Variants in SLC25A24 observed in about 807,000 individuals in gnomAD.
The protein encoded by SLC25A24 is mitochondrial adenyl nucleotide antiporter SLC25A24.
SLC25A24 carries 49 observed loss-of-function variants against 60.7 expected under a neutral mutation model. The ratio of observed to expected loss-of-function variants is 0.81; its 90% confidence interval spans 0.64 to 1.02. The LOEUF is 1.02. Ranked by LOEUF, SLC25A24 falls within the 50% of genes least tolerant of loss-of-function variation. SLC25A24 has a pLI of 0.00. For missense variants in SLC25A24, 564 were observed against 586.3 expected, an observed-to-expected ratio of 0.96 and a Z score of 0.39; for synonymous variants, 202 against 200.6, an observed-to-expected ratio of 1.01 and a Z score of -0.06.
At chr1:108,166,740 T>G (rs1019603600) in intron 3 of SLC25A24, among the ~76,000 whole-genome samples, 3 of 152,206 alleles carry the variant, frequency 2.0e-5, no homozygotes, top group Non-Finnish European at 4.4e-5. Flanking sequence ...TTGGTTTGAA[T>G]GTCCTCCCAT....
At chr1:108,148,789 C>G (rs1679678156) in intron 6 of SLC25A24, among the ~76,000 whole-genome samples, 1 of 152,130 alleles carries the variant, frequency 6.6e-6, no homozygotes, top group Admixed American at 6.5e-5. Flanking sequence ...TTATGGCAGC[C>G]CAAGCCAACT....
At chr1:108,150,788 C>A (rs1388082335) in intron 6 of SLC25A24, among the ~76,000 whole-genome samples, 1 of 152,054 alleles carries the variant, frequency 6.6e-6, no homozygotes, top group Non-Finnish European at 1.5e-5. Flanking sequence ...CCTTTCCCTA[C>A]ACACAAACTC....
rs769620259 is a variant in SLC25A24, at chr1:108,194,238, C to T, written c.183+5718G>A. Among the ~76,000 whole-genome samples, 3 of 138,338 alleles carry T rather than the reference C, an allele frequency of 2.2e-5. 1 individual carries two copies. The highest frequency in any genetic ancestry group is 4.7e-5 in the Non-Finnish European group (3 of 63,498). 90.8% of individuals were successfully genotyped at this position (138,338 alleles called of 152,430 possible). Reference sequence around the variant, plus strand: ...GGTTAGTCAAAAAAACTACTGTACGCTTCTCAGTAAACATTTTCCCCCAGA... The same window carrying T: ...GGTTAGTCAAAAAAACTACTGTACGTTTCTCAGTAAACATTTTCCCCCAGA... On this transcript the variant is annotated intron_variant, in intron 1 of 9. Coordinates refer to ENST00000565488, the MANE Select transcript of SLC25A24 (RefSeq NM_013386.5).
chr1:108,190,693 C>T (rs371547250), intron 1 of SLC25A24, among the ~76,000 whole-genome samples: 8 of 128,748 alleles, frequency 6.2e-5, no homozygotes, highest in South Asian at 3.1e-4. Context: ...AGTATCATTT[C>T]TTTTTTTTTT....
intron 1 of SLC25A24, among the ~76,000 whole-genome samples, chr1:108,187,007 G>A (rs1039418170): frequency 6.6e-6 from 1 of 151,802 alleles, no homozygotes; most frequent in Non-Finnish European, 1.5e-5. Flanking sequence ...AACCTGGGAG[G>A]TGGAGGTTGC....
In SLC25A24 at chr1:108,136,718, C is replaced by T; in HGVS notation, c.1369G>A (p.Ala457Thr). ...TAAACCACATAACTGATGCCTACAG[C>T]AGGGAGCACCTTCATGAAGTTTGGG... is the stretch of plus-strand genomic sequence containing the variant. ...ITPNFMKVLP[A>T]VGISYVVYEN... The change falls in exon 10 of 10, where the codon GCT becomes ACT. Residue 457 changes from alanine (A) to threonine (T), a missense_variant. Transcript: ENST00000565488. 1.2e-6 allele frequency: 2 copies of T among 1,614,078 alleles called. No homozygotes were observed. Among genetic ancestry groups the T allele is most frequent in the Non-Finnish European group, 1.7e-6 (2 of 1,179,964 alleles).
chr1:108,193,968 G>A (rs535838426), intron 1 of SLC25A24, among the ~76,000 whole-genome samples: 1 of 139,250 alleles, frequency 7.2e-6, no homozygotes, highest in African/African-American at 2.5e-5. Context: ...CTGCACCACT[G>A]GGAATATGGA....
At position 108,136,154 on chromosome 1, in the gene SLC25A24, T is replaced by C. The variant is rs1313769868; in HGVS notation, c.*499A>G. On this transcript the variant is annotated 3_prime_UTR_variant, in exon 10 of 10. Coordinates refer to ENST00000565488, the MANE Select transcript of SLC25A24 (RefSeq NM_013386.5). Reference sequence around the variant, plus strand: ...AAGAAAAATAAGGACATAAACCCTATACTTATTTGGATGCTTTTGCTGTAA... The same window carrying C: ...AAGAAAAATAAGGACATAAACCCTACACTTATTTGGATGCTTTTGCTGTAA... The C allele has an allele frequency of 2.0e-5, 3 of 152,474 alleles. No individual in the cohort carries two copies. Among genetic ancestry groups the C allele is most frequent in the Non-Finnish European group, 2.9e-5 (2 of 68,266 alleles). The allele number at this position is 152,474 out of a possible 1,614,324, so 9.4% of individuals were successfully genotyped here.
chr1:108,137,229 G>A (rs1006546436), intron 9 of SLC25A24, among the ~76,000 whole-genome samples: 2 of 152,246 alleles, frequency 1.3e-5, no homozygotes, highest in Admixed American at 6.5e-5. Flanking sequence ...CTCTAAAGCT[G>A]GTACACTTTC....
At position 108,200,024 on chromosome 1, in the gene SLC25A24, C is replaced by T. The variant is rs184903325; in HGVS notation, c.115G>A (p.Val39Met). The part of the protein sequence containing the change: ...QALDRNGDGV[V>M]DIGELQEGLR... ...CCCTCCTGCAGCTCGCCGATGTCCA[C>T]CACTCCGTCCCCATTGCGGTCCAGT... The change falls in exon 1 of 10, where the codon GTG becomes ATG. Residue 39 changes from valine to methionine, a missense_variant. Transcript: ENST00000565488. 5 of 1,611,140 alleles carry T rather than the reference C, an allele frequency of 3.1e-6. No homozygotes were observed. The highest frequency in any genetic ancestry group is 3.4e-6 in the Non-Finnish European group (4 of 1,179,066).
rs556222979 is a variant in SLC25A24, at chr1:108,160,815, C to T, written c.510+367G>A. ...AAATACGAAAAACAGTCAGGCGTGGCGGTGCGCGCCTGCAATCGCAGGCAC... is the reference window on the plus strand; with the variant it reads ...AAATACGAAAAACAGTCAGGCGTGGTGGTGCGCGCCTGCAATCGCAGGCAC... On this transcript the variant is annotated intron_variant, in intron 4 of 9. Transcript: ENST00000565488. 1.5e-4 allele frequency among the ~76,000 whole-genome samples: 23 copies of T among 152,288 alleles called. No individual in the cohort carries two copies. The South Asian group carries it at 3.7e-3, about 25-fold the overall frequency.
intron 3 of SLC25A24, among the ~76,000 whole-genome samples, chr1:108,163,800 C>T (rs1328734262): frequency 2.6e-5 from 4 of 152,136 alleles, no homozygotes; most frequent in Non-Finnish European, 5.9e-5. Flanking sequence ...TCCTGCCTAA[C>T]TGCCCTGGCC....
At chr1:108,172,409 A>G (rs1276054167) in intron 3 of SLC25A24, among the ~76,000 whole-genome samples, 2 of 152,216 alleles carry the variant, frequency 1.3e-5, no homozygotes, top group Non-Finnish European at 2.9e-5. Flanking sequence ...AGACTGTACA[A>G]GCATGGCACC....
chr1:108,170,935 T>G (rs9325363), intron 3 of SLC25A24, among the ~76,000 whole-genome samples: 71,008 of 151,782 alleles, frequency 0.47, 16,808 homozygotes, highest in Middle Eastern at 0.59. Flanking sequence ...GGATAAGAAC[T>G]CTATTTAGGC....
At chr1:108,198,631 T>C (rs1422560515) in intron 1 of SLC25A24, 1 of 152,212 alleles carries the variant, frequency 6.6e-6, no homozygotes, top group East Asian at 1.9e-4. Flanking sequence ...CAGCAGCAAT[T>C]CTCAAGCTTT....
chr1:108,136,520 A>G lies in SLC25A24; in HGVS notation c.*133T>C. ...TTTAGCCCAAAAGTTTGAAGTGACC[A>G]TTGTTACCATCTTCCCTTTTGTGAA... is the stretch of plus-strand genomic sequence containing the variant. On this transcript the variant is annotated 3_prime_UTR_variant, in exon 10 of 10. Coordinates refer to ENST00000565488, the MANE Select transcript of SLC25A24 (RefSeq NM_013386.5). 1 of 690,850 alleles carries G rather than the reference A, an allele frequency of 1.4e-6. No homozygotes were observed. The highest frequency in any genetic ancestry group is 2.7e-5 in the East Asian group (1 of 37,110). 42.8% of individuals were successfully genotyped at this position (690,850 alleles called of 1,614,324 possible). A position where few individuals can be genotyped will look rare whatever the true frequency, so the allele number is the denominator to read the frequency against.
intron 1 of SLC25A24, among the ~76,000 whole-genome samples, chr1:108,196,786 C>CTGGAG (rs1648508972): frequency 6.6e-6 from 1 of 151,370 alleles, no homozygotes; most frequent in Non-Finnish European, 1.5e-5. Flanking sequence ...AAGCACTAAT[C>CTGGAG]CCATTCATGA....
In SLC25A24 at chr1:108,180,620, CTCTCTCTCTCTCTCTCTCTCT is replaced by C. The variant is rs1647887244; in HGVS notation, c.398+1300_398+1320del. ...ATAATAGAAAGCAAGAGAAAGATCT[CTCTCTCTCTCTCTCTCTCTCT>C]CTCTCTCTCTCTCTCTCTCTCTCTC... On this transcript the variant is annotated intron_variant, in intron 3 of 9. Transcript: ENST00000565488. 2.1e-3 allele frequency among the ~76,000 whole-genome samples: 274 copies of C among 131,978 alleles called. 6 individuals carry two copies. Among genetic ancestry groups the C allele is most frequent in the Non-Finnish European group, 1.4e-3 (83 of 60,524 alleles). The allele number at this position is 131,978 out of a possible 152,430, so 86.6% of individuals were successfully genotyped here. A position where few individuals can be genotyped will look rare whatever the true frequency, so the allele number is the denominator to read the frequency against.
At chr1:108,188,700 G>A (rs1038433776) in intron 1 of SLC25A24, among the ~76,000 whole-genome samples, 4 of 152,192 alleles carry the variant, frequency 2.6e-5, no homozygotes, top group Admixed American at 2.6e-4. Context: ...AAGAAGACAG[G>A]AGTCCAGCTC....
Sources: allele counts gnomAD v4.1 joint callset (sites outside exome capture counted in the v4.1 genomes callset), GRCh38; gene constraint gnomAD v4.1.1; transcripts MANE v1.5; gene names NCBI Gene and HGNC (gene_info 2026-07-23, HGNC 2026-07-21).